The following FCHO1 variants were observed in gnomAD, a reference collection of about 807,000 sequenced individuals.
FCHO1 encodes F-BAR domain only protein 1.
FCHO1 carries 45 observed loss-of-function variants against 114.4 expected under a neutral mutation model. That is an observed-to-expected ratio of 0.39 (90% confidence interval 0.31 to 0.50). The LOEUF is 0.50. Among genes scored for constraint, FCHO1 ranks in the 20% least tolerant of loss-of-function variants. The pLI, the probability that FCHO1 is intolerant of heterozygous loss-of-function variation, is 0.77. For missense variants in FCHO1, 1,042 were observed against 1,209.6 expected, an observed-to-expected ratio of 0.86 and a Z score of 2.06; for synonymous variants, 480 against 488.9, an observed-to-expected ratio of 0.98 and a Z score of 0.24.
rs1433694805 is a variant in FCHO1, at chr19:17,766,660, C to T, written c.195-9C>T. On this transcript the variant is annotated splice_polypyrimidine_tract_variant and intron_variant, in intron 6 of 28. Transcript: ENST00000596536. ...GATGAACCCTGGGTGTGACCTTGCC[C>T]GCCCCCAGGACCTTCGCCCCGCTCT... 3 of 1,613,796 alleles carry T rather than the reference C, an allele frequency of 1.9e-6. No individual in the cohort carries two copies. The highest frequency in any genetic ancestry group is 1.7e-5 in the Admixed American group (1 of 59,982).
chr19:17,786,762 C>A, intron 27 of FCHO1, 133 bp downstream of exon 27: 3 of 971,770 alleles, frequency 3.1e-6, no homozygotes, highest in Non-Finnish European at 3.1e-6. Flanking sequence ...TCTTTAAAAG[C>A]TGGAGGAGGG....
intron 21 of FCHO1, 41 bp from the exon 22 acceptor site, chr19:17,781,411 C>A: frequency 1.9e-6 from 3 of 1,611,584 alleles, no homozygotes; most frequent in Non-Finnish European, 2.5e-6. Flanking sequence ...GGGCACTGGT[C>A]CTGGGGCACT....
At chr19:17,762,160 A>G (rs1248342281) in intron 4 of FCHO1, among the ~76,000 whole-genome samples, 7 of 151,848 alleles carry the variant, frequency 4.6e-5, no homozygotes, top group African/African-American at 1.7e-4. Flanking sequence ...TAATTTTTGT[A>G]TTTTTAGTAG....
At chr19:17,786,383 CAG>C (rs376052640) in intron 26 of FCHO1, among the ~76,000 whole-genome samples, 189 bp from the exon 27 acceptor site, 3 of 148,846 alleles carry the variant, frequency 2.0e-5, no homozygotes, top group South Asian at 2.1e-4. Context: ...CACACACACA[CAG>C]AAGTGTTGCA....
chr19:17,783,564 G>A (rs1231465942), intron 24 of FCHO1, among the ~76,000 whole-genome samples: 1 of 149,450 alleles, frequency 6.7e-6, no homozygotes, highest in African/African-American at 2.5e-5. Context: ...TACCACACCC[G>A]GCTTGATTTT....
At chr19:17,762,629 G>C in intron 4 of FCHO1, 133 bp from the exon 5 acceptor site, 1 of 746,474 alleles carries the variant, frequency 1.3e-6, no homozygotes, top group Non-Finnish European at 2.5e-6. Context: ...AATGCAGCAA[G>C]CTGATTCGCT....
In FCHO1 at chr19:17,770,908, G is replaced by C; in HGVS notation, c.594+12G>C. The C allele has an allele frequency of 6.2e-7, 1 of 1,610,702 alleles. No individual in the cohort carries two copies. The highest frequency in any genetic ancestry group is 1.1e-5 in the South Asian group (1 of 91,014). On this transcript the variant is annotated intron_variant, in intron 9 of 28. Transcript: ENST00000596536. ...TGGACTCAGCCCTGGTAAGAACCAG[G>C]CATCTGTACCTTTAAGACCCACACA...
rs528650128 is a variant in FCHO1 at position 17,778,932 on chromosome 19, G to A, written c.1627+48G>A. The A allele has an allele frequency of 9.5e-6, 14 of 1,474,072 alleles. No individual in the cohort carries two copies. The Admixed American group carries it at 3.2e-4, about 33-fold the overall frequency. The allele number at this position is 1,474,072 out of a possible 1,614,324, so 91.3% of individuals were successfully genotyped here. ...TGAGAGTTGCTGGAACCCTGGGCGGGGGATTGAGCGCCTGCTTTGGGCAGG... is the reference window on the plus strand; with the variant it reads ...TGAGAGTTGCTGGAACCCTGGGCGGAGGATTGAGCGCCTGCTTTGGGCAGG... On this transcript the variant is annotated intron_variant, in intron 20 of 28. Coordinates refer to ENST00000596536, the MANE Select transcript of FCHO1 (RefSeq NM_015122.3).
intron 5 of FCHO1, 39 bp downstream of exon 5, chr19:17,762,892 A>T: frequency 7.1e-7 from 1 of 1,402,688 alleles, no homozygotes; most frequent in Non-Finnish European, 1.0e-6. Context: ...GGCCACGCCC[A>T]CCATCCTGTA....
chr19:17,782,313 C>T (rs1277617342), intron 23 of FCHO1, among the ~76,000 whole-genome samples: 1 of 152,218 alleles, frequency 6.6e-6, no homozygotes, highest in Non-Finnish European at 1.5e-5. Context: ...AGAGATTCTC[C>T]TGCCTCAGCC....
chr19:17,755,247 T>C, intron 4 of FCHO1, 56 bp downstream of exon 4: 1 of 1,491,688 alleles, frequency 6.7e-7, no homozygotes, highest in Non-Finnish European at 9.2e-7. Context: ...GGGACTTTTA[T>C]GGAGATGGGA....
chr19:17,774,143 A>G (rs1032561264), intron 11 of FCHO1, 96 bp from the exon 12 acceptor site: 2 of 1,130,226 alleles, frequency 1.8e-6, no homozygotes, highest in Non-Finnish European at 2.7e-6. Flanking sequence ...TCCTGACCTC[A>G]GGTGATCCGC....
intron 7 of FCHO1, among the ~76,000 whole-genome samples, chr19:17,768,805 C>T (rs2090364292): frequency 6.6e-6 from 1 of 151,626 alleles, no homozygotes; most frequent in Non-Finnish European, 1.5e-5. Flanking sequence ...AAAATGTTGG[C>T]ATTACAGGCA....
rs750600089 is a variant in FCHO1 at position 17,788,297 on chromosome 19, G to A, written c.2661G>A (p.Val887=). 2 of 1,599,164 alleles carry A rather than the reference G, an allele frequency of 1.3e-6. No homozygotes were observed. Among genetic ancestry groups the A allele is most frequent in the South Asian group, 2.2e-5 (2 of 90,604 alleles). ...KRRFATGMYL[V]SC ...GCACCCCCACAGGGATGTACCTGGT[G>A]AGCTGCTGAACCCGCAAATGCTGCT... Residue 887 remains valine (V), a synonymous_variant, in exon 29 of 29, where the codon GTG becomes GTA. Transcript: ENST00000596536.
chr19:17,768,648 C>T (rs1290593242), intron 7 of FCHO1, among the ~76,000 whole-genome samples: 1 of 149,756 alleles, frequency 6.7e-6, no homozygotes, highest in African/African-American at 2.5e-5. Context: ...CAGTTGAGAT[C>T]GCGACACACC....
At chr19:17,756,875 TAAAC>T (rs1019651903) in intron 4 of FCHO1, among the ~76,000 whole-genome samples, 6 of 152,080 alleles carry the variant, frequency 3.9e-5, no homozygotes, top group East Asian at 1.9e-4. Context: ...GAGAGGGACA[TAAAC>T]AAGCTCTGTT....
upstream of FCHO1, among the ~76,000 whole-genome samples, chr19:17,751,082 C>T (rs1017168120): frequency 2.0e-5 from 3 of 152,122 alleles, no homozygotes; most frequent in Admixed American, 2.0e-4. This position sits in a 1 kb window ranked among gnomAD's most constrained non-coding sequence, Gnocchi z 4.4. Flanking sequence ...CCTCGTGATC[C>T]ACCCACCTTG....
At chr19:17,756,587 A>T (rs1177000705) in intron 4 of FCHO1, among the ~76,000 whole-genome samples, 1 of 151,942 alleles carries the variant, frequency 6.6e-6, no homozygotes, top group Non-Finnish European at 1.5e-5. Context: ...TGAGCAAATG[A>T]CTTTGCCTGC....
At chr19:17,778,944 C>G in intron 20 of FCHO1, 60 bp downstream of exon 20, 1 of 1,452,672 alleles carries the variant, frequency 6.9e-7, no homozygotes, top group Non-Finnish European at 9.0e-7. Context: ...GATTGAGCGC[C>G]TGCTTTGGGC....
Sources: allele counts gnomAD v4.1 joint callset (sites outside exome capture counted in the v4.1 genomes callset), GRCh38; gene constraint gnomAD v4.1.1; non-coding constraint Gnocchi (gnomAD v3.1); transcripts MANE v1.5; gene names NCBI Gene and HGNC (gene_info 2026-07-23, HGNC 2026-07-21).